The following NTM variants were observed in gnomAD, a reference collection of about 807,000 sequenced individuals.
The protein encoded by NTM is IgLON family member 2.
Under a neutral mutation model 42.1 loss-of-function variants are expected in NTM, and 13 were observed. That is an observed-to-expected ratio of 0.31 (90% CI 0.20 to 0.49). The LOEUF is 0.49. Among genes scored for constraint, NTM ranks in the 20% least tolerant of loss-of-function variants. The pLI is 0.99. For synonymous variants in NTM, 187 were observed against 179.2 expected (o/e 1.04, Z -0.35); for missense variants, 373 against 452.8 (o/e 0.82, Z 1.60).
intron 7 of NTM, 133 bp downstream of exon 7, chr11:132,314,836 AGAGAGAGACACAGAAAGAAATG>A: frequency 1.4e-6 from 2 of 1,398,328 alleles, no homozygotes; most frequent in Non-Finnish European, 1.9e-6. Context: ...AGGAAAAAAA[AGAGAGAGACACAGAAAGAAATG>A]GAGAGAGAGG....
At chr11:131,967,748 C>G (rs2063016612) in intron 2 of NTM, among the ~76,000 whole-genome samples, 2 of 152,152 alleles carry the variant, frequency 1.3e-5, no homozygotes, top group Admixed American at 1.3e-4. Context: ...CTTGATAATG[C>G]TTTGCTTCCT....
chr11:132,149,746 G>C (rs907278231), intron 3 of NTM, among the ~76,000 whole-genome samples: 1 of 152,168 alleles, frequency 6.6e-6, no homozygotes, highest in South Asian at 2.1e-4. Context: ...GGGCATCCTG[G>C]GGGAGGAGGG....
At chr11:131,974,123 T>C (rs868094175) in intron 2 of NTM, among the ~76,000 whole-genome samples, 1 of 152,228 alleles carries the variant, frequency 6.6e-6, no homozygotes, top group African/African-American at 2.4e-5. Flanking sequence ...ACATGTAACA[T>C]ACAAAATATG....
rs186771699 is a variant in NTM, at chr11:132,151,733, C to T, written c.400+5219C>T. ...ACCTGCCTTTGGAGTCAAACAGCTC[C>T]GAAGCTCAGGTAAAGAAGGGAAACA... On this transcript the variant is annotated intron_variant, in intron 3 of 8. Transcript: ENST00000683400. Among the ~76,000 whole-genome samples, 358 of 152,192 alleles carry T rather than the reference C, an allele frequency of 2.4e-3. 1 individual carries two copies. Among genetic ancestry groups the T allele is most frequent in the Admixed American group, 3.6e-3 (55 of 15,284 alleles).
At chr11:132,238,138 C>G (rs2089437820) in intron 4 of NTM, among the ~76,000 whole-genome samples, 1 of 152,080 alleles carries the variant, frequency 6.6e-6, no homozygotes, top group Admixed American at 6.6e-5. Context: ...CACTCTTAAC[C>G]TGGAAATCTG....
intron 4 of NTM, among the ~76,000 whole-genome samples, chr11:132,235,630 TA>T (rs1043462789): frequency 6.6e-6 from 1 of 152,132 alleles, no homozygotes; most frequent in African/African-American, 2.4e-5. Flanking sequence ...TTAGCTGAGG[TA>T]ATGCAGGCTG....
chr11:131,966,372 G>T (rs2134600882), intron 2 of NTM, among the ~76,000 whole-genome samples: 1 of 152,234 alleles, frequency 6.6e-6, no homozygotes, highest in Admixed American at 6.5e-5. Context: ...CTAGTGAAAA[G>T]AGACAGACAA....
intron 2 of NTM, among the ~76,000 whole-genome samples, chr11:131,962,025 G>A (rs578081482): frequency 6.6e-5 from 10 of 152,126 alleles, no homozygotes; most frequent in East Asian, 1.9e-4. Context: ...GGGAACAGGC[G>A]TTTGTTGTGT....
intron 1 of NTM, among the ~76,000 whole-genome samples, chr11:131,768,133 T>C (rs1216799408): frequency 6.6e-6 from 1 of 151,266 alleles, no homozygotes; most frequent in Non-Finnish European, 1.5e-5. Context: ...TTTTTTTTTT[T>C]TTTTTTGAGA....
At chr11:131,688,850 G>A (rs1033488316) in intron 1 of NTM, among the ~76,000 whole-genome samples, 8 of 152,324 alleles carry the variant, frequency 5.3e-5, no homozygotes, top group African/African-American at 1.9e-4. Flanking sequence ...GCAGACCAAT[G>A]GGCAGGTGTC....
At chr11:131,547,466 C>A (rs1349465297) in intron 1 of NTM, among the ~76,000 whole-genome samples, 2 of 152,176 alleles carry the variant, frequency 1.3e-5, no homozygotes, top group African/African-American at 4.8e-5. Flanking sequence ...CCTTCGGTGG[C>A]AGATGCCAGG....
intron 1 of NTM, among the ~76,000 whole-genome samples, chr11:131,407,692 G>A (rs113476898): frequency 0.011 from 1,719 of 152,298 alleles, 37 homozygotes; most frequent in African/African-American, 0.038. Context: ...GGTATAAAGG[G>A]GAAGGAGTCA....
At chr11:132,209,369 C>T (rs151130409) in intron 3 of NTM, among the ~76,000 whole-genome samples, 2 of 152,342 alleles carry the variant, frequency 1.3e-5, no homozygotes, top group East Asian at 1.9e-4. Context: ...TTCTGTCCCA[C>T]CAAATGCTTA....
At chr11:131,845,590 A>G (rs1056698055) in intron 1 of NTM, among the ~76,000 whole-genome samples, 2 of 151,832 alleles carry the variant, frequency 1.3e-5, no homozygotes, top group Admixed American at 6.6e-5. Flanking sequence ...ATTGTCCTTC[A>G]AATACCAGAG....
At chr11:132,201,735 T>C (rs2081187443) in intron 3 of NTM, among the ~76,000 whole-genome samples, 1 of 152,244 alleles carries the variant, frequency 6.6e-6, no homozygotes, top group African/African-American at 2.4e-5. Context: ...AACTCTGAAT[T>C]ATCTCAATCA....
At chr11:132,219,809 C>T (rs1052057150) in intron 4 of NTM, among the ~76,000 whole-genome samples, 23 of 152,182 alleles carry the variant, frequency 1.5e-4, no homozygotes, top group African/African-American at 5.5e-4. Context: ...AGACCTTCAG[C>T]CAGCCCCCTC....
At chr11:132,199,436 A>G (rs1354962127) in intron 3 of NTM, among the ~76,000 whole-genome samples, 2 of 152,220 alleles carry the variant, frequency 1.3e-5, no homozygotes, top group East Asian at 3.8e-4. Context: ...ATGTGCAGAG[A>G]TAAATGAACG....
intron 3 of NTM, among the ~76,000 whole-genome samples, chr11:132,181,591 A>G (rs1276982432): frequency 1.3e-5 from 2 of 152,216 alleles, no homozygotes; most frequent in African/African-American, 2.4e-5. Context: ...TAACTCATGG[A>G]ATTGACAGAG....
At chr11:132,327,594 C>T (rs1037665339) in intron 7 of NTM, among the ~76,000 whole-genome samples, 10 of 152,182 alleles carry the variant, frequency 6.6e-5, no homozygotes, top group Admixed American at 1.3e-4. Flanking sequence ...ATGAAACCAG[C>T]CCTCCTCTGC....
Sources: allele counts gnomAD v4.1 joint callset (sites outside exome capture counted in the v4.1 genomes callset), GRCh38; gene constraint gnomAD v4.1.1; transcripts MANE v1.5; gene names NCBI Gene and HGNC (gene_info 2026-07-23, HGNC 2026-07-21).